Variants in PKN2 observed in about 807,000 individuals in gnomAD.
The protein encoded by PKN2 is serine/threonine-protein kinase N2.
A neutral mutation model predicts 119.1 loss-of-function variants in PKN2; 38 were observed. The observed-to-expected ratio is 0.32, with a 90% CI of 0.25 to 0.42. The LOEUF is 0.42. Among genes scored for constraint, PKN2 ranks in the 10% least tolerant of loss-of-function variants. The pLI, the probability that PKN2 is intolerant of heterozygous loss-of-function variation, is 1.00. For synonymous variants in PKN2, 390 were observed against 384.9 expected, an observed-to-expected ratio of 1.01 and a Z score of -0.15; for missense variants, 850 against 1,165.1, an observed-to-expected ratio of 0.73 and a Z score of 3.94.
chr1:88,790,866 A>G (rs1670804549), intron 8 of PKN2, among the ~76,000 whole-genome samples: 1 of 151,964 alleles, frequency 6.6e-6, no homozygotes, highest in African/African-American at 2.4e-5. Flanking sequence ...TTTCTAGGAA[A>G]TTTTTACAAC....
intron 1 of PKN2, among the ~76,000 whole-genome samples, chr1:88,734,540 T>G (rs1461231615): frequency 1.3e-5 from 2 of 152,200 alleles, no homozygotes; most frequent in Non-Finnish European, 2.9e-5. Context: ...TGTCTTCTGT[T>G]CCATTGATTT....
At chr1:88,716,100 G>A (rs1006671113) in intron 1 of PKN2, among the ~76,000 whole-genome samples, 10 of 152,186 alleles carry the variant, frequency 6.6e-5, no homozygotes, top group African/African-American at 2.2e-4. Flanking sequence ...TAGTTGTGTG[G>A]TTTTGAGTGA....
At chr1:88,820,784 ATTAC>A (rs1017107288) in intron 16 of PKN2, among the ~76,000 whole-genome samples, 1 of 152,160 alleles carries the variant, frequency 6.6e-6, no homozygotes, top group Non-Finnish European at 1.5e-5. Flanking sequence ...TATTCATGTT[ATTAC>A]TTTTATAATT....
intron 2 of PKN2, among the ~76,000 whole-genome samples, chr1:88,755,646 T>C (rs1394058730): frequency 6.6e-6 from 1 of 152,178 alleles, no homozygotes; most frequent in Non-Finnish European, 1.5e-5. Context: ...GAGCACTATA[T>C]AGGCTTTATT....
In PKN2 at chr1:88,804,381, A is replaced by T; in HGVS notation, c.1282-10A>T. 2 of 1,582,248 alleles carry T rather than the reference A, an allele frequency of 1.3e-6. No individual in the cohort carries two copies. Among genetic ancestry groups the T allele is most frequent in the Admixed American group, 1.8e-5 (1 of 56,486 alleles). On this transcript the variant is annotated splice_polypyrimidine_tract_variant and intron_variant, in intron 8 of 21. Coordinates refer to ENST00000370521, the MANE Select transcript of PKN2 (RefSeq NM_006256.4). The stretch of plus-strand genomic sequence containing the variant: ...TCTGTTTTCTTTATTATTTTTTTTA[A>T]TTATCCTAGTCACGTGAACTGGAAA...
chr1:88,792,504 G>T (rs932752099), intron 8 of PKN2, among the ~76,000 whole-genome samples: 5 of 152,120 alleles, frequency 3.3e-5, no homozygotes, highest in Non-Finnish European at 7.4e-5. Context: ...CTTGAGCAAC[G>T]CAGGGGCTAG....
chr1:88,766,916 T>C (rs746144589), intron 3 of PKN2, among the ~76,000 whole-genome samples: 1 of 152,170 alleles, frequency 6.6e-6, no homozygotes, highest in African/African-American at 2.4e-5. Flanking sequence ...GTGGGAAAAT[T>C]CACCTATTTT....
chr1:88,746,988 T>C (rs143017496), intron 2 of PKN2, among the ~76,000 whole-genome samples: 20 of 152,260 alleles, frequency 1.3e-4, no homozygotes, highest in African/African-American at 4.6e-4. Context: ...CTAAATGAAA[T>C]AAACCAGACA....
At chr1:88,808,453 A>G (rs1457287374) in intron 15 of PKN2, among the ~76,000 whole-genome samples, 1 of 151,888 alleles carries the variant, frequency 6.6e-6, no homozygotes, top group Admixed American at 6.6e-5. Flanking sequence ...CTACAGACGC[A>G]TGCCACCACG....
At chr1:88,711,294 TAAAAG>T (rs147618390) in intron 1 of PKN2, among the ~76,000 whole-genome samples, 6,117 of 151,358 alleles carry the variant, frequency 0.04, 270 homozygotes, top group African/African-American at 0.11. Flanking sequence ...AATTTAAAAT[TAAAAG>T]AGAGAAGTGG....
At chr1:88,830,636 A>G (rs919739550) in intron 19 of PKN2, among the ~76,000 whole-genome samples, 1 of 152,108 alleles carries the variant, frequency 6.6e-6, no homozygotes, top group Non-Finnish European at 1.5e-5. Flanking sequence ...ATCCAGTTGA[A>G]TCTACTCCCT....
chr1:88,771,793 C>T lies in PKN2; in HGVS notation c.899C>T (p.Ala300Val). 1 of 1,613,676 alleles carries T rather than the reference C, an allele frequency of 6.2e-7. No homozygotes were observed. Among genetic ancestry groups the T allele is most frequent in the Non-Finnish European group, 8.5e-7 (1 of 1,179,636 alleles). The change falls in exon 6 of 22, where the codon GCT (alanine) becomes GTT (valine). Residue 300 changes from alanine to valine, a missense_variant. Physicochemically the swap from Ala to Val is moderately conservative, Grantham distance 64. This residue lies in a region of PKN2 where 350 missense variants were observed against 511.1 expected (regional missense o/e 0.68). Transcript: ENST00000370521. ...RIIIEELSLVAASPTLSPRQS... is the reference protein window; with the variant it reads ...RIIIEELSLVVASPTLSPRQS... ...ATTATTGAAGAACTTTCACTTGTTGCTGCATCACCAACACTAAGTCCACGT... is the reference window on the plus strand; with the variant it reads ...ATTATTGAAGAACTTTCACTTGTTGTTGCATCACCAACACTAAGTCCACGT...
chr1:88,724,882 GTT>G (rs60507382), intron 1 of PKN2, among the ~76,000 whole-genome samples: 8 of 105,984 alleles, frequency 7.5e-5, no homozygotes, highest in East Asian at 2.5e-4. Context: ...CCACCCCTTG[GTT>G]TTTTTTTTTT....
At chr1:88,779,600 A>G (rs1050516119) in intron 6 of PKN2, among the ~76,000 whole-genome samples, 2 of 152,000 alleles carry the variant, frequency 1.3e-5, no homozygotes, top group African/African-American at 4.8e-5. Flanking sequence ...TGTGAATATG[A>G]CATATTTTTG....
intron 3 of PKN2, among the ~76,000 whole-genome samples, chr1:88,765,552 A>G (rs2100791195): frequency 6.6e-6 from 1 of 152,324 alleles, no homozygotes; most frequent in South Asian, 2.1e-4. Context: ...TTCTATACAT[A>G]TGTATGCATG....
intron 8 of PKN2, among the ~76,000 whole-genome samples, chr1:88,800,935 A>G (rs80026452): frequency 0.043 from 6,548 of 152,290 alleles, 178 homozygotes; most frequent in Middle Eastern, 0.065. Flanking sequence ...CTCAACTTGT[A>G]CTGCTCAGCT....
intron 1 of PKN2, among the ~76,000 whole-genome samples, chr1:88,724,978 C>T (rs1403015143): frequency 6.6e-6 from 1 of 150,844 alleles, no homozygotes; most frequent in Non-Finnish European, 1.5e-5. Flanking sequence ...CTCACTGCAG[C>T]CTCCCCATCC....
At chr1:88,786,311 G>T in intron 8 of PKN2, 98 bp downstream of exon 8, 5 of 565,666 alleles carry the variant, frequency 8.8e-6, no homozygotes, top group Non-Finnish European at 1.2e-5. Flanking sequence ...TTCTTAACAA[G>T]AATAAAAATA....
chr1:88,729,645 T>C (rs191390820), intron 1 of PKN2, among the ~76,000 whole-genome samples: 147 of 152,342 alleles, frequency 9.6e-4, no homozygotes, highest in Non-Finnish European at 1.6e-3. Flanking sequence ...ATGAGCTCTC[T>C]TGAAGCCTGT....
Sources: gnomAD v4.1 joint callset for allele counts (sites outside exome capture counted in the v4.1 genomes callset) on GRCh38, gnomAD v4.1.1 for gene constraint, gnomAD v4.1.1 regional missense constraint, MANE v1.5 for transcripts, NCBI Gene and HGNC (gene_info 2026-07-23, HGNC 2026-07-21) for gene names.